Variants in DOCK1 observed in about 807,000 individuals in gnomAD.
DOCK1 encodes the protein dedicator of cytokinesis 1.
In DOCK1, 138 loss-of-function variants were observed where a neutral mutation model predicts 262.7. The observed-to-expected ratio is 0.53, with a 90% CI of 0.46 to 0.61. The LOEUF (loss-of-function observed/expected upper bound fraction) is 0.61, where lower values mean the gene tolerates loss of function less well. DOCK1 is among the 20% of genes least tolerant of loss of function. The pLI is 0.00. For missense variants in DOCK1, 1,908 were observed against 2,370.7 expected, an observed-to-expected ratio of 0.80 and a Z score of 4.05; for synonymous variants, 866 against 867.4, an observed-to-expected ratio of 1.00 and a Z score of 0.03.
At chr10:127,125,812 C>T (rs1207292439) in intron 26 of DOCK1, among the ~76,000 whole-genome samples, 1 of 151,982 alleles carries the variant, frequency 6.6e-6, no homozygotes, top group Non-Finnish European at 1.5e-5. Flanking sequence ...GAAAATTGTT[C>T]TTTATTTCCT....
chr10:127,413,771 G>A (rs532054600), intron 43 of DOCK1, among the ~76,000 whole-genome samples: 3 of 152,320 alleles, frequency 2.0e-5, no homozygotes, highest in African/African-American at 4.8e-5. Flanking sequence ...TGAGGGAGCC[G>A]TCCCCATGGG....
intron 27 of DOCK1, among the ~76,000 whole-genome samples, chr10:127,190,058 A>T (rs527727222): frequency 6.6e-6 from 1 of 152,326 alleles, no homozygotes; most frequent in Admixed American, 6.5e-5. Flanking sequence ...TTGGGTTATA[A>T]GAACATTAAT....
chr10:127,406,679 A>G (rs12776338), intron 40 of DOCK1, among the ~76,000 whole-genome samples: 33,369 of 152,098 alleles, frequency 0.22, 3,752 homozygotes, highest in East Asian at 0.36. Flanking sequence ...GTTGATATTT[A>G]TAGACCTTAC....
intron 5 of DOCK1, among the ~76,000 whole-genome samples, chr10:126,989,056 G>C (rs1020065611): frequency 2.8e-5 from 4 of 140,704 alleles, no homozygotes; most frequent in African/African-American, 8.0e-5. Context: ...CTGAGTAACA[G>C]AGCGAGACCC....
chr10:127,448,980 A>G (rs1253919107), intron 51 of DOCK1, among the ~76,000 whole-genome samples: 1 of 152,022 alleles, frequency 6.6e-6, no homozygotes, highest in African/African-American at 2.4e-5. Context: ...TTCCCTTTGT[A>G]TCAGAAAACT....
At chr10:126,939,779 C>G (rs1353993294) in intron 1 of DOCK1, among the ~76,000 whole-genome samples, 9 of 152,338 alleles carry the variant, frequency 5.9e-5, no homozygotes, top group Admixed American at 3.3e-4. Flanking sequence ...TGCTTTCATT[C>G]CTTTGGATGC....
rs372220579 is a variant in DOCK1, at chr10:127,438,144, C to G, written c.5061-883C>G. On this transcript the variant is annotated intron_variant, in intron 48 of 51. Coordinates refer to ENST00000623213, the MANE Select transcript of DOCK1 (RefSeq NM_001290223.2). Reference sequence around the variant, plus strand: ...AGCAGGAGCTGCTAGGGATGAGACTCCAGTCTTAGAGTTGGATCCATTTCT... The same window carrying G: ...AGCAGGAGCTGCTAGGGATGAGACTGCAGTCTTAGAGTTGGATCCATTTCT... Among the ~76,000 whole-genome samples, 1,169 of 152,328 alleles carry G rather than the reference C, an allele frequency of 7.7e-3. 10 individuals are homozygous for G. Among genetic ancestry groups the G allele is most frequent in the South Asian group, 0.038 (182 of 4,824 alleles).
intron 27 of DOCK1, among the ~76,000 whole-genome samples, chr10:127,185,753 T>C (rs903520975): frequency 2.6e-5 from 4 of 152,218 alleles, no homozygotes; most frequent in African/African-American, 9.6e-5. Context: ...TTCTGAACTT[T>C]GGCATGACTA....
chr10:127,370,277 C>T (rs1014442790), intron 33 of DOCK1, among the ~76,000 whole-genome samples: 5 of 152,098 alleles, frequency 3.3e-5, no homozygotes, highest in African/African-American at 1.2e-4. Flanking sequence ...TCAAATAAGC[C>T]CTTCTGCTAA....
At chr10:127,338,540 G>A (rs556477818) in intron 29 of DOCK1, among the ~76,000 whole-genome samples, 2 of 152,282 alleles carry the variant, frequency 1.3e-5, no homozygotes, top group South Asian at 4.1e-4. Context: ...GAAGTCGTAA[G>A]CCATGCTTCC....
At chr10:127,373,065 TGAA>T (rs1005849217) in intron 33 of DOCK1, among the ~76,000 whole-genome samples, 1 of 152,142 alleles carries the variant, frequency 6.6e-6, no homozygotes, top group African/African-American at 2.4e-5. Flanking sequence ...ATCAGACACT[TGAA>T]GACATTTTAG....
chr10:126,990,483 T>G lies in DOCK1; in HGVS notation c.353T>G (p.Val118Gly), dbSNP rs759349034. 3.1e-6 allele frequency: 5 copies of G among 1,612,640 alleles called. No homozygotes were observed. The highest frequency in any genetic ancestry group is 4.2e-6 in the Non-Finnish European group (5 of 1,179,406). Residue 118 changes from valine (V) to glycine (G), a missense_variant, in exon 6 of 52, where the codon GTG becomes GGG. Around this residue, in one of 9 missense-constraint regions of DOCK1, gnomAD observed 227 missense variants for 254.1 expected, o/e 0.89. Coordinates refer to ENST00000623213, the MANE Select transcript of DOCK1 (RefSeq NM_001290223.2). ...GATAACAGGGAGATGTTTCGAAGTGTGCGGCACATGATCTATGACCTTATT... is the reference window on the plus strand; with the variant it reads ...GATAACAGGGAGATGTTTCGAAGTGGGCGGCACATGATCTATGACCTTATT... ...VQDNREMFRS[V>G]RHMIYDLIEW...
chr10:127,108,993 G>A (rs752305198), intron 24 of DOCK1, among the ~76,000 whole-genome samples: 9 of 152,120 alleles, frequency 5.9e-5, no homozygotes, highest in Non-Finnish European at 1.0e-4. Context: ...TTGTATTCAA[G>A]TTTTTTTAAA....
At chr10:126,908,659 A>G (rs965972255) in intron 1 of DOCK1, among the ~76,000 whole-genome samples, 2 of 152,148 alleles carry the variant, frequency 1.3e-5, no homozygotes, top group African/African-American at 4.8e-5. Context: ...GTTCCTCCCA[A>G]TTCATTCCAC....
rs139636526 is a variant in DOCK1, at chr10:127,188,379, C to CT, written c.2848-59621dup. Among the ~76,000 whole-genome samples the CT allele has an allele frequency of 6.4e-3, 975 of 152,222 alleles. 30 individuals are homozygous for CT. The East Asian group carries it at 0.1, about 16-fold the overall frequency. Reference sequence around the variant, plus strand: ...ATAGTAGGAATAGGGCATATTCACACTTTTTTTTATGTATATATATTTCTG... The same window carrying CT: ...ATAGTAGGAATAGGGCATATTCACACTTTTTTTTTATGTATATATATTTCTG... On this transcript the variant is annotated intron_variant, in intron 27 of 51. Transcript: ENST00000623213.
chr10:127,294,204 T>C (rs1007771030), intron 29 of DOCK1, among the ~76,000 whole-genome samples: 1 of 152,364 alleles, frequency 6.6e-6, no homozygotes, highest in African/African-American at 2.4e-5. Flanking sequence ...ATACTTATAA[T>C]GCAATAGAAC....
In DOCK1 at chr10:126,951,188, ATGG is replaced by A. The variant is rs1307463209; in HGVS notation, c.47-19509_47-19507del. 1.3e-4 allele frequency among the ~76,000 whole-genome samples: 19 copies of A among 149,048 alleles called. 1 individual carries two copies. In the East Asian group the frequency reaches 1.4e-3, roughly 11 times the overall value. ...GGTAGTAGTGTTGGTGATAGTGGTG[ATGG>A]TGGTAGTATTGGTAGTGGTGGTGGT... On this transcript the variant is annotated intron_variant, in intron 1 of 51. Transcript: ENST00000623213.
intron 22 of DOCK1, among the ~76,000 whole-genome samples, chr10:127,053,880 T>G (rs9418726): frequency 0.63 from 95,569 of 151,930 alleles, 30,799 homozygotes; most frequent in South Asian, 0.72. Flanking sequence ...CCTCTGCTTG[T>G]TTTTTTGGGG....
chr10:127,427,651 C>T (rs1370882593), intron 47 of DOCK1, among the ~76,000 whole-genome samples: 1 of 152,164 alleles, frequency 6.6e-6, no homozygotes, highest in African/African-American at 2.4e-5. Flanking sequence ...GCTTTTAGCC[C>T]CTACTCCAGG....
Sources: allele counts gnomAD v4.1 joint callset (sites outside exome capture counted in the v4.1 genomes callset), GRCh38; gene constraint gnomAD v4.1.1; regional missense constraint gnomAD v4.1.1; transcripts MANE v1.5; gene names NCBI Gene and HGNC (gene_info 2026-07-23, HGNC 2026-07-21).